RBFOX1: variants seen among roughly 807,000 people sequenced by gnomAD.
RBFOX1 encodes the protein RNA binding protein fox-1 homolog 1.
Under a neutral mutation model 57.7 loss-of-function variants are expected in RBFOX1, and 8 were observed. The ratio of observed to expected loss-of-function variants is 0.14; its 90% CI spans 0.08 to 0.25. The LOEUF is 0.25. RBFOX1 is among the 10% of genes least tolerant of loss of function. The pLI is 1.00. For synonymous variants in RBFOX1, 326 were observed against 222.4 expected, an observed-to-expected ratio of 1.47 and a Z score of -4.15; for missense variants, 611 against 548.5, an observed-to-expected ratio of 1.11 and a Z score of -1.14.
chr16:5,428,740 G>C (rs1249500327), intron 1 of RBFOX1, among the ~76,000 whole-genome samples: 3 of 152,184 alleles, frequency 2.0e-5, no homozygotes, highest in Non-Finnish European at 2.9e-5. Flanking sequence ...GAGGAGGCCA[G>C]GAGGTTTCTG....
intron 2 of RBFOX1, among the ~76,000 whole-genome samples, chr16:6,468,305 G>A (rs1268715991): frequency 6.6e-6 from 1 of 152,132 alleles, no homozygotes; most frequent in African/African-American, 2.4e-5. Context: ...CAGATATGTT[G>A]GCAGAATGGC....
chr16:6,828,011 C>G (rs1038825327), intron 3 of RBFOX1, among the ~76,000 whole-genome samples: 4 of 152,130 alleles, frequency 2.6e-5, no homozygotes, highest in African/African-American at 7.2e-5. Flanking sequence ...CAATTTTTCC[C>G]CAGCACAGAG....
chr16:6,154,151 G>C (rs962774957), intron 1 of RBFOX1, among the ~76,000 whole-genome samples: 1 of 152,192 alleles, frequency 6.6e-6, no homozygotes, highest in Non-Finnish European at 1.5e-5. Flanking sequence ...TACTAAGCCT[G>C]TAACATCATG....
chr16:5,879,424 A>G (rs544489944), intron 4 of RBFOX1, among the ~76,000 whole-genome samples: 2 of 152,312 alleles, frequency 1.3e-5, no homozygotes, highest in East Asian at 3.9e-4. Context: ...TCCGCCTCCC[A>G]GGTTCAACGA....
intron 3 of RBFOX1, among the ~76,000 whole-genome samples, chr16:6,904,415 A>G (rs960118470): frequency 3.3e-5 from 5 of 151,866 alleles, no homozygotes; most frequent in African/African-American, 1.2e-4. Context: ...AGTCTGGCCA[A>G]CATGGTGAAT....
chr16:6,259,592 A>T (rs1258757739), intron 1 of RBFOX1, among the ~76,000 whole-genome samples: 2 of 152,144 alleles, frequency 1.3e-5, no homozygotes, highest in Non-Finnish European at 2.9e-5. Flanking sequence ...AGGGTGGCCC[A>T]GTAGCGACGA....
chr16:6,034,776 A>T (rs1390841735), intron 1 of RBFOX1, among the ~76,000 whole-genome samples: 1 of 152,052 alleles, frequency 6.6e-6, no homozygotes, highest in Non-Finnish European at 1.5e-5. Flanking sequence ...CCACGTTCAC[A>T]TCTTTGTCCT....
chr16:5,545,642 T>A (rs1237170501), intron 2 of RBFOX1, among the ~76,000 whole-genome samples: 1 of 152,126 alleles, frequency 6.6e-6, no homozygotes, highest in Non-Finnish European at 1.5e-5. Flanking sequence ...CGTAAGAATT[T>A]AACATCTATT....
chr16:7,593,666 AT>A (rs58366190), intron 7 of RBFOX1, among the ~76,000 whole-genome samples: 30,633 of 148,726 alleles, frequency 0.21, 3,403 homozygotes, highest in African/African-American at 0.3. Context: ...TTACATGTGA[AT>A]TTTTTTTTTT....
chr16:6,823,458 T>C (rs1439497527), intron 3 of RBFOX1, among the ~76,000 whole-genome samples: 5 of 152,124 alleles, frequency 3.3e-5, no homozygotes, highest in African/African-American at 9.7e-5. Flanking sequence ...GGTTTTGCCA[T>C]GTTGGCCACG....
At chr16:5,480,205 C>T (rs925730251) in intron 2 of RBFOX1, among the ~76,000 whole-genome samples, 2 of 152,118 alleles carry the variant, frequency 1.3e-5, no homozygotes, top group African/African-American at 4.8e-5. Flanking sequence ...CCCTGCTGTG[C>T]TCTGTAGAAT....
intron 2 of RBFOX1, among the ~76,000 whole-genome samples, chr16:6,474,020 G>C (rs1252812081): frequency 6.6e-6 from 1 of 152,096 alleles, no homozygotes; most frequent in Non-Finnish European, 1.5e-5. Context: ...TGGATAGCAG[G>C]CTGGCTTCCT....
At chr16:6,811,704 A>C (rs758342675) in intron 3 of RBFOX1, among the ~76,000 whole-genome samples, 15 of 152,144 alleles carry the variant, frequency 9.9e-5, no homozygotes, top group Non-Finnish European at 8.8e-5. Flanking sequence ...AGCCTGGCCA[A>C]TATGGTGAAA....
At chr16:6,301,015 A>G (rs926750314) in intron 1 of RBFOX1, among the ~76,000 whole-genome samples, 2 of 152,222 alleles carry the variant, frequency 1.3e-5, no homozygotes, top group African/African-American at 4.8e-5. Flanking sequence ...GCACATTAAA[A>G]TGAACACAAG....
chr16:7,513,621 T>C (rs1329883558), intron 4 of RBFOX1, among the ~76,000 whole-genome samples: 1 of 152,150 alleles, frequency 6.6e-6, no homozygotes, highest in South Asian at 2.1e-4. Context: ...TCCTCCCTCA[T>C]TTGTGACAAA....
At chr16:6,883,246 T>A (rs1448434821) in intron 3 of RBFOX1, among the ~76,000 whole-genome samples, 1 of 152,152 alleles carries the variant, frequency 6.6e-6, no homozygotes, top group Non-Finnish European at 1.5e-5. Flanking sequence ...ACACTATGGG[T>A]TTTCTTTTTT....
At chr16:5,814,860 C>T (rs1048651972) in intron 3 of RBFOX1, among the ~76,000 whole-genome samples, 16 of 151,922 alleles carry the variant, frequency 1.1e-4, no homozygotes, top group Admixed American at 2.0e-4. Context: ...ACCTGGGAAG[C>T]GGAGCTTGCA....
intron 4 of RBFOX1, among the ~76,000 whole-genome samples, chr16:7,166,923 C>G (rs978320558): frequency 1.0e-4 from 13 of 127,696 alleles, no homozygotes; most frequent in South Asian, 2.6e-4. Flanking sequence ...GTTTTTCTTT[C>G]TTTACTGATG....
intron 2 of RBFOX1, among the ~76,000 whole-genome samples, chr16:5,556,732 A>G (rs908196644): frequency 5.9e-5 from 9 of 152,156 alleles, no homozygotes; most frequent in African/African-American, 2.2e-4. Context: ...GGGACATGAG[A>G]TGCATGACAT....
Sources: allele counts gnomAD v4.1 joint callset (sites outside exome capture counted in the v4.1 genomes callset), GRCh38; gene constraint gnomAD v4.1.1; transcripts MANE v1.5; gene names NCBI Gene and HGNC (gene_info 2026-07-23, HGNC 2026-07-21).